MACROD2: variants seen among roughly 807,000 people sequenced by gnomAD.
MACROD2 encodes ADP-ribose glycohydrolase MACROD2.
Under a neutral mutation model 70.4 loss-of-function variants are expected in MACROD2, and 36 were observed. The ratio of observed to expected loss-of-function variants is 0.51; its 90% CI spans 0.39 to 0.68. The LOEUF is 0.68. Among genes scored for constraint, MACROD2 ranks in the 30% least tolerant of loss-of-function variants. The pLI is 0.00. For synonymous variants in MACROD2, 172 were observed against 178.8 expected (o/e 0.96, Z 0.30); for missense variants, 496 against 538.4 (o/e 0.92, Z 0.78).
intron 3 of MACROD2, among the ~76,000 whole-genome samples, chr20:14,388,930 T>C (rs1270783256): frequency 6.6e-6 from 1 of 152,074 alleles, no homozygotes; most frequent in African/African-American, 2.4e-5. Flanking sequence ...CAGGCTAGAG[T>C]GCAGTGGCGT....
intron 6 of MACROD2, among the ~76,000 whole-genome samples, chr20:15,374,266 TTATA>T (rs1428883507): frequency 2.0e-5 from 3 of 151,950 alleles, no homozygotes; most frequent in African/African-American, 2.4e-5. Context: ...ATACAATCCC[TTATA>T]TATAATCACA....
intron 6 of MACROD2, among the ~76,000 whole-genome samples, chr20:15,266,459 T>A (rs1028734328): frequency 6.6e-6 from 1 of 152,182 alleles, no homozygotes; most frequent in Non-Finnish European, 1.5e-5. Flanking sequence ...CACTCTAAAG[T>A]GTAGCCAGGC....
At chr20:14,505,002 T>G (rs899076174) in intron 4 of MACROD2, among the ~76,000 whole-genome samples, 3 of 152,220 alleles carry the variant, frequency 2.0e-5, no homozygotes, top group Non-Finnish European at 4.4e-5. Context: ...TGTTTTTATT[T>G]TATTATTTTG....
chr20:14,321,609 C>A (rs2082661291), intron 3 of MACROD2, among the ~76,000 whole-genome samples: 1 of 152,168 alleles, frequency 6.6e-6, no homozygotes, highest in Middle Eastern at 3.2e-3. Context: ...CAGCAATGAA[C>A]TAATAGTACA....
intron 4 of MACROD2, among the ~76,000 whole-genome samples, chr20:14,517,991 G>T (rs1040965046): frequency 1.3e-5 from 2 of 151,516 alleles, no homozygotes; most frequent in African/African-American, 4.8e-5. Context: ...AAACATTTTT[G>T]ACTTTCTATT....
At chr20:14,104,288 C>T (rs1249834922) in intron 3 of MACROD2, among the ~76,000 whole-genome samples, 2 of 152,098 alleles carry the variant, frequency 1.3e-5, no homozygotes, top group Non-Finnish European at 2.9e-5. Flanking sequence ...ATTTTATTGG[C>T]ACCAATAGGG....
At chr20:14,564,181 T>A (rs575404166) in intron 4 of MACROD2, among the ~76,000 whole-genome samples, 1 of 151,894 alleles carries the variant, frequency 6.6e-6, no homozygotes, top group African/African-American at 2.4e-5. Context: ...TTGTACTGTA[T>A]ATAAAAATTA....
chr20:14,163,102 A>G (rs1326516980), intron 3 of MACROD2, among the ~76,000 whole-genome samples: 1 of 152,112 alleles, frequency 6.6e-6, no homozygotes, highest in Non-Finnish European at 1.5e-5. Context: ...TTCTAGATGT[A>G]GGACTCCCTT....
intron 5 of MACROD2, among the ~76,000 whole-genome samples, chr20:14,993,893 C>A (rs1055641710): frequency 6.6e-5 from 10 of 152,130 alleles, no homozygotes; most frequent in African/African-American, 1.9e-4. Context: ...ATCCAGCATA[C>A]ACTTAAGAGA....
chr20:15,121,524 A>AG (rs1317008792), intron 5 of MACROD2, among the ~76,000 whole-genome samples: 7 of 151,580 alleles, frequency 4.6e-5, no homozygotes, highest in East Asian at 3.9e-4. Flanking sequence ...AAAAAAAAAA[A>AG]AAAAAAGAAA....
chr20:16,036,637 T>C (rs979697407), intron 15 of MACROD2, among the ~76,000 whole-genome samples: 17 of 152,008 alleles, frequency 1.1e-4, no homozygotes, highest in Non-Finnish European at 1.2e-4. Flanking sequence ...ATTTTTGTTT[T>C]TATCAGATTA....
chr20:15,465,643 C>T (rs1197874149), intron 7 of MACROD2, among the ~76,000 whole-genome samples: 3 of 152,210 alleles, frequency 2.0e-5, no homozygotes, highest in East Asian at 3.8e-4. Flanking sequence ...CTTCTCTAAG[C>T]GTGTGAGGCA....
At chr20:15,667,168 C>A (rs1376023071) in intron 8 of MACROD2, among the ~76,000 whole-genome samples, 2 of 152,090 alleles carry the variant, frequency 1.3e-5, no homozygotes, top group Non-Finnish European at 2.9e-5. Context: ...CCCTCATGGC[C>A]TGGTGCTGTT....
At chr20:15,593,329 C>A (rs1718011893) in intron 8 of MACROD2, among the ~76,000 whole-genome samples, 1 of 152,136 alleles carries the variant, frequency 6.6e-6, no homozygotes, top group African/African-American at 2.4e-5. Context: ...CTGGTGTTTA[C>A]CCTTGTTATT....
Position 15,788,844 on chromosome 20 carries a change from G to A in MACROD2, c.646-73901G>A, listed in dbSNP as rs139104880. On this transcript the variant is annotated intron_variant, in intron 8 of 17. Transcript: ENST00000684519. ...GGGCGTTTTAAACCCTAGCATTGGC[G>A]TAAGGTTATATTAAAACTTCATATT... is the stretch of plus-strand genomic sequence containing the variant. 2.5e-3 allele frequency among the ~76,000 whole-genome samples: 385 copies of A among 152,218 alleles called. 3 individuals carry two copies. The East Asian group carries it at 0.03, about 12-fold the overall frequency.
chr20:15,700,987 C>A (rs2050449511), intron 8 of MACROD2, among the ~76,000 whole-genome samples: 1 of 152,174 alleles, frequency 6.6e-6, no homozygotes, highest in Admixed American at 6.5e-5. Context: ...ATCACTGAGC[C>A]CCATTCAGCT....
chr20:15,973,312 G>C (rs1179766266), intron 13 of MACROD2, among the ~76,000 whole-genome samples: 1 of 152,098 alleles, frequency 6.6e-6, no homozygotes, highest in Non-Finnish European at 1.5e-5. Context: ...AAGCATCAGT[G>C]GCAGAGGTTG....
chr20:15,656,901 AGAAG>A (rs1432306788), intron 8 of MACROD2, among the ~76,000 whole-genome samples: 3 of 152,208 alleles, frequency 2.0e-5, no homozygotes, highest in Admixed American at 1.3e-4. Context: ...AGAAAAAAAA[AGAAG>A]GAATAATTTA....
intron 8 of MACROD2, among the ~76,000 whole-genome samples, chr20:15,586,380 T>C (rs1314944451): frequency 6.6e-6 from 1 of 152,244 alleles, no homozygotes; most frequent in Non-Finnish European, 1.5e-5. Context: ...CCATAATCTC[T>C]TGAAACATGA....
Sources: allele counts gnomAD v4.1 joint callset (sites outside exome capture counted in the v4.1 genomes callset), GRCh38; gene constraint gnomAD v4.1.1; transcripts MANE v1.5; gene names NCBI Gene and HGNC (gene_info 2026-07-23, HGNC 2026-07-21).